Variants in LIG4 observed in about 807,000 individuals in gnomAD.
LIG4 encodes the protein DNA joinase.
Under a neutral mutation model 19.0 loss-of-function variants are expected in LIG4, and 13 were observed. The observed-to-expected ratio is 0.68, with a 90% CI of 0.44 to 1.09. The LOEUF (loss-of-function observed/expected upper bound fraction) is 1.09. Ranked by LOEUF, LIG4 falls within the 50% of genes least tolerant of loss-of-function variation. The pLI, the probability that LIG4 is intolerant of heterozygous loss-of-function variation, is 0.00. For synonymous variants in LIG4, 361 were observed against 358.2 expected (o/e 1.01, Z -0.09); for missense variants, 1,026 against 1,089.7 (o/e 0.94, Z 0.82).
In LIG4 at chr13:108,214,625, T is replaced by A. The variant is rs1488106234; in HGVS notation, c.-101-15A>T. On this transcript the variant is annotated splice_polypyrimidine_tract_variant and intron_variant, in intron 1 of 2. Coordinates refer to ENST00000442234, the MANE Select transcript of LIG4 (RefSeq NM_206937.2). ...TTGATGGTTTCCTGCGGGGTTGCCA[T>A]GAGAAAGAATCAACATGTACGCAGG... is the stretch of plus-strand genomic sequence containing the variant. 6.6e-6 allele frequency: 1 copy of A among 152,022 alleles called. No individual in the cohort carries two copies. The highest frequency in any genetic ancestry group is 1.5e-5 in the Non-Finnish European group (1 of 68,036). 9.4% of individuals were successfully genotyped at this position (152,022 alleles called of 1,614,324 possible).
At position 108,208,526 on chromosome 13, in the gene LIG4, C is replaced by T; in HGVS notation, c.*7G>A. 2 of 1,587,248 alleles carry T rather than the reference C, an allele frequency of 1.3e-6. No homozygotes were observed. The highest frequency in any genetic ancestry group is 1.7e-6 in the Non-Finnish European group (2 of 1,156,696). On this transcript the variant is annotated 3_prime_UTR_variant, in exon 3 of 3. Transcript: ENST00000442234. ...ATCAGAGGCTTTCCTCACTAGGAAA[C>T]CTAGCTTTAAATCAAATACTGGTTT... is the stretch of plus-strand genomic sequence containing the variant.
chr13:108,214,758 T>C (rs1447068027), intron 1 of LIG4, 148 bp from the exon 2 acceptor site: 1 of 152,078 alleles, frequency 6.6e-6, no homozygotes, highest in Admixed American at 6.6e-5. Context: ...AGGCTTCTAA[T>C]GCGGCGCAGT....
chr13:108,210,916 G>A lies in LIG4; in HGVS notation c.353C>T (p.Thr118Ile). 1 of 1,613,974 alleles carries A rather than the reference G, an allele frequency of 6.2e-7. No homozygotes were observed. The highest frequency in any genetic ancestry group is 1.1e-5 in the South Asian group (1 of 91,076). The part of the protein sequence containing the change: ...KLLNYRTPTG[T>I]HGDAGDFAMI... ...TGCAAAGTCTCCAGCATCTCCATGA[G>A]TTCCAGTGGGTGTTCTGTAGTTTAA... Residue 118 changes from threonine (T) to isoleucine (I), a missense_variant, in exon 3 of 3, where the codon ACT (threonine) becomes ATT (isoleucine). Transcript: ENST00000442234.
At chr13:108,216,947 A>T (rs1374803707), upstream of LIG4, among the ~76,000 whole-genome samples, 1 of 152,218 alleles carries the variant, frequency 6.6e-6, no homozygotes, top group Non-Finnish European at 1.5e-5. Flanking sequence ...TGCCATGATT[A>T]TTAATTTATT....
At position 108,211,018 on chromosome 13, in the gene LIG4, A is replaced by AT. The variant is rs1164783105; in HGVS notation, c.250dup (p.Ile84AsnfsTer2). 1 of 1,602,730 alleles carries AT rather than the reference A, an allele frequency of 6.2e-7. No homozygotes were observed. The highest frequency in any genetic ancestry group is 1.4e-5 in the African/African-American group (1 of 74,008). The stretch of plus-strand genomic sequence containing the variant: ...AAGCTTAGCAAGCATAGTTTCTTTA[A>AT]TTCCATAGGCCATTCTCTCTCTTTC... On this transcript the variant is annotated frameshift_variant, in exon 3 of 3. Coordinates refer to ENST00000442234, the MANE Select transcript of LIG4 (RefSeq NM_206937.2). LOFTEE classifies it high-confidence loss of function.
At chr13:108,216,818 A>G (rs1879320313), upstream of LIG4, among the ~76,000 whole-genome samples, 1 of 152,190 alleles carries the variant, frequency 6.6e-6, no homozygotes, top group Non-Finnish European at 1.5e-5. Flanking sequence ...AGAACCATGA[A>G]TTATGAAACC....
intron 2 of LIG4, among the ~76,000 whole-genome samples, chr13:108,211,781 C>CA (rs1434312128): frequency 6.6e-6 from 1 of 152,160 alleles, no homozygotes; most frequent in African/African-American, 2.4e-5. Context: ...TTTAACAAAT[C>CA]ACTCATTTGC....
At position 108,209,438 on chromosome 13, in the gene LIG4, C is replaced by G; in HGVS notation, c.1831G>C (p.Ala611Pro). The change falls in exon 3 of 3, where the codon GCA (alanine) becomes CCA (proline). Residue 611 changes from alanine to proline, a missense_variant. By Grantham distance (27) the Ala-to-Pro change is conservative. Coordinates refer to ENST00000442234, the MANE Select transcript of LIG4 (RefSeq NM_206937.2). ...CCACCTATATAAAGGTGTTTAGATG[C>G]GAGCTTACCAGATGCCTTCCCCCTA... ...QLRGKASGKL[A>P]SKHLYIGGDD... The G allele has an allele frequency of 6.2e-7, 1 of 1,614,096 alleles. No individual in the cohort carries two copies. The highest frequency in any genetic ancestry group is 8.5e-7 in the Non-Finnish European group (1 of 1,180,018).
At chr13:108,211,614 C>G (rs759600187) in intron 2 of LIG4, among the ~76,000 whole-genome samples, 2 of 152,110 alleles carry the variant, frequency 1.3e-5, no homozygotes, top group Non-Finnish European at 2.9e-5. Context: ...GCACATAATA[C>G]AAACAAATAT....
At chr13:108,214,505 T>TC (rs1167138401) in intron 2 of LIG4, 33 bp downstream of exon 2, 6 of 151,700 alleles carry the variant, frequency 4.0e-5, no homozygotes, top group Non-Finnish European at 7.3e-5. Flanking sequence ...CCCCCTACTC[T>TC]CCCCCAACCC....
In LIG4 at chr13:108,209,938, C is replaced by T. The variant is rs1444377310; in HGVS notation, c.1331G>A (p.Gly444Asp). 1 of 1,614,016 alleles carries T rather than the reference C, an allele frequency of 6.2e-7. No homozygotes were observed. The highest frequency in any genetic ancestry group is 1.1e-5 in the South Asian group (1 of 91,090). ...PLSIYKPDKR[G>D]EGWLKIKPEY... Reference sequence around the variant, plus strand: ...TGGTTTAATTTTTAACCACCCTTCACCTCTTTTGTCTGGCTTGTAGATGGA... The same window carrying T: ...TGGTTTAATTTTTAACCACCCTTCATCTCTTTTGTCTGGCTTGTAGATGGA... Residue 444 changes from glycine to aspartate, a missense_variant, in exon 3 of 3, where the codon GGT (glycine) becomes GAT (aspartate). By Grantham distance (94) the Gly-to-Asp change is moderately conservative (BLOSUM62 -1). Around this residue, in one of 3 missense-constraint regions of LIG4, gnomAD observed 493 missense variants for 544.5 expected, o/e 0.91. Transcript: ENST00000442234.
In LIG4 at chr13:108,209,572, G is replaced by C. The variant is rs1481289157; in HGVS notation, c.1697C>G (p.Pro566Arg). 1 of 1,613,962 alleles carries C rather than the reference G, an allele frequency of 6.2e-7. No individual in the cohort carries two copies. Among genetic ancestry groups the C allele is most frequent in the East Asian group, 2.2e-5 (1 of 44,862 alleles). Residue 566 changes from proline to arginine, a missense_variant, in exon 3 of 3, where the codon CCC becomes CGC. Physicochemically the swap from Pro to Arg is moderately radical, Grantham distance 103. Around this residue, in one of 3 missense-constraint regions of LIG4, gnomAD observed 521 missense variants for 515.5 expected, o/e 1.01. Coordinates refer to ENST00000442234, the MANE Select transcript of LIG4 (RefSeq NM_206937.2). ...GCAGCCAGTTTTATACATATCACTG[G>C]GTACGATCTCTGCTGCTTTAATCTG... ...IVQIKAAEIV[P>R]SDMYKTGCTL...
rs1192620115 is a variant in LIG4 at position 108,211,095 on chromosome 13, T to C, written c.174A>G (p.Lys58=). The stretch of plus-strand genomic sequence containing the variant: ...CTGGATAAAAAGAGTCTGTGACATC[T>C]TTGTGGTTCTTATGAAGAGCATCAT... ...KFHDALHKNH[K]DVTDSFYPAM... The change falls in exon 3 of 3, where the codon AAA becomes AAG. Residue 58 remains lysine (K), a synonymous_variant. Coordinates refer to ENST00000442234, the MANE Select transcript of LIG4 (RefSeq NM_206937.2). 7 of 1,609,232 alleles carry C rather than the reference T, an allele frequency of 4.3e-6. No homozygotes were observed. Among genetic ancestry groups the C allele is most frequent in the Non-Finnish European group, 5.1e-6 (6 of 1,176,858 alleles).
Position 108,210,304 on chromosome 13 carries a change from T to A in LIG4, c.965A>T (p.Asp322Val), listed in dbSNP as rs764497174. 19 of 1,613,900 alleles carry A rather than the reference T, an allele frequency of 1.2e-5. No individual in the cohort carries two copies. Among genetic ancestry groups the A allele is most frequent in the Non-Finnish European group, 7.6e-6 (9 of 1,179,916 alleles). The change falls in exon 3 of 3, where the codon GAT (aspartate) becomes GTT (valine). Residue 322 changes from aspartate (D) to valine (V), a missense_variant. Coordinates refer to ENST00000442234, the MANE Select transcript of LIG4 (RefSeq NM_206937.2). ...ACCATCAAGAATACAGATTTGTATA[T>A]CTGCTTTGAATGCATTATGAATGAA... ...TPFIHNAFKA[D>V]IQICILDGEM...
intron 2 of LIG4, among the ~76,000 whole-genome samples, chr13:108,213,401 A>T (rs545507718): frequency 2.6e-5 from 4 of 152,254 alleles, no homozygotes; most frequent in Non-Finnish European, 5.9e-5. Context: ...TCAAAGTTAA[A>T]GTTTCGCTCA....
chr13:108,210,215 T>C lies in LIG4; in HGVS notation c.1054A>G (p.Lys352Glu). ...AGATCAGAATCCTCTACCATTCTTT[T>C]AATATCAAACTTAGTTCCCTTTTGC... ...FMQKGTKFDIKRMVEDSDLQT... is the reference protein window; with the variant it reads ...FMQKGTKFDIERMVEDSDLQT... The change falls in exon 3 of 3, where the codon AAA (lysine) becomes GAA (glutamate). Residue 352 changes from lysine to glutamate, a missense_variant. This residue lies in a region of LIG4 where 493 missense variants were observed against 544.5 expected (regional missense o/e 0.91). Transcript: ENST00000442234. 1 of 1,613,696 alleles carries C rather than the reference T, an allele frequency of 6.2e-7. No homozygotes were observed. Among genetic ancestry groups the C allele is most frequent in the Non-Finnish European group, 8.5e-7 (1 of 1,179,744 alleles).
In LIG4 at chr13:108,209,750, C is replaced by A. The variant is rs1164771402; in HGVS notation, c.1519G>T (p.Gly507Trp). Reference protein sequence around the residue: ...PSVFHTLSRVGSGCTMKELYD... With the variant: ...PSVFHTLSRVWSGCTMKELYD... ...AGTTCTTTCATGGTGCAGCCAGACC[C>A]AACACGAGAGAGAGTATGAAACACA... is the stretch of plus-strand genomic sequence containing the variant. Residue 507 changes from glycine (G) to tryptophan (W), a missense_variant, in exon 3 of 3, where the codon GGG (glycine) becomes TGG (tryptophan). Transcript: ENST00000442234. 3 of 1,614,076 alleles carry A rather than the reference C, an allele frequency of 1.9e-6. No homozygotes were observed. The highest frequency in any genetic ancestry group is 2.5e-6 in the Non-Finnish European group (3 of 1,180,000).
intron 2 of LIG4, among the ~76,000 whole-genome samples, chr13:108,213,235 A>G (rs1280494509): frequency 2.0e-5 from 3 of 151,874 alleles, no homozygotes; most frequent in South Asian, 2.1e-4. Context: ...CTATCTCCCA[A>G]AATTTGCTCC....
chr13:108,213,197 T>C (rs1233236292), intron 2 of LIG4, among the ~76,000 whole-genome samples: 1 of 152,210 alleles, frequency 6.6e-6, no homozygotes, highest in Non-Finnish European at 1.5e-5. Flanking sequence ...TAACTGACTG[T>C]AACACCTGGT....
Sources: gnomAD v4.1 joint callset for allele counts (sites outside exome capture counted in the v4.1 genomes callset) on GRCh38, gnomAD v4.1.1 for gene constraint, gnomAD v4.1.1 regional missense constraint, MANE v1.5 for transcripts, NCBI Gene and HGNC (gene_info 2026-07-23, HGNC 2026-07-21) for gene names.